TMC7: variants seen among roughly 807,000 people sequenced by gnomAD.
TMC7 encodes transmembrane channel-like protein 7.
Under a neutral mutation model 82.9 loss-of-function variants are expected in TMC7, and 54 were observed. The observed-to-expected ratio is 0.65, with a 90% CI of 0.52 to 0.82. TMC7 has a LOEUF of 0.82. Among genes scored for constraint, TMC7 ranks in the 40% least tolerant of loss-of-function variants. The pLI is 0.00. For missense variants in TMC7, 820 were observed against 901.2 expected (o/e 0.91, Z 1.15); for synonymous variants, 350 against 337.9 (o/e 1.04, Z -0.39).
intron 2 of TMC7, 141 bp downstream of exon 2, chr16:19,009,556 T>TA: frequency 9.2e-7 from 1 of 1,089,002 alleles, no homozygotes; most frequent in African/African-American, 1.6e-5. Context: ...TTGACAAACA[T>TA]ACCTGAATTT....
At position 19,004,042 on chromosome 16, in the gene TMC7, T is replaced by A. The variant is rs200336753; in HGVS notation, c.68-5130T>A. Reference sequence around the variant, plus strand: ...AGAATTATCAATAAAAAAATAAATTTAAAAAAAAAAAAAAAAATACCAGGG... The same window carrying A: ...AGAATTATCAATAAAAAAATAAATTAAAAAAAAAAAAAAAAAATACCAGGG... On this transcript the variant is annotated intron_variant, in intron 1 of 15. Coordinates refer to ENST00000304381, the MANE Select transcript of TMC7 (RefSeq NM_024847.4). Among the ~76,000 whole-genome samples the A allele has an allele frequency of 2.2e-3, 187 of 83,992 alleles. 2 individuals carry two copies. The highest frequency in any genetic ancestry group is 7.9e-3 in the African/African-American group (168 of 21,202). 55.1% of individuals were successfully genotyped at this position (83,992 alleles called of 152,430 possible).
At chr16:19,035,953 C>T (rs1960728056) in intron 7 of TMC7, 130 bp downstream of exon 7, 1 of 1,035,350 alleles carries the variant, frequency 9.7e-7, no homozygotes, top group Admixed American at 3.2e-5. Flanking sequence ...CAAGTTACCC[C>T]TCTGTAGCTT....
chr16:18,984,360 G>A, intron 1 of TMC7: 1 of 1,294,264 alleles, frequency 7.7e-7, no homozygotes, highest in Non-Finnish European at 9.8e-7. Context: ...AAAAGGACAC[G>A]AGAACTGCAG....
intron 9 of TMC7, among the ~76,000 whole-genome samples, chr16:19,041,570 C>T (rs1290457287): frequency 6.6e-6 from 1 of 151,940 alleles, no homozygotes; most frequent in East Asian, 1.9e-4. Context: ...TGGGGTTTCA[C>T]CATGTTGGCC....
chr16:19,023,224 G>C (rs1596755168), intron 5 of TMC7, 29 bp downstream of exon 5: 2 of 1,433,132 alleles, frequency 1.4e-6, no homozygotes, highest in South Asian at 1.2e-5. Flanking sequence ...CCTTTGTTTA[G>C]CTCCTCAATC....
At position 19,030,308 on chromosome 16, in the gene TMC7, C is replaced by T; in HGVS notation, c.796C>T (p.Leu266=). The change falls in exon 6 of 16, where the codon CTG becomes TTG. Residue 266 remains leucine, a synonymous_variant. Transcript: ENST00000304381. ...KFQNFTYDLP[L]AYLLSTIASL... The stretch of plus-strand genomic sequence containing the variant: ...TCAGAACTTCACCTATGATCTGCCC[C>T]TGGCGTATTTGTTAAGCACAATCGC... 6.2e-7 allele frequency: 1 copy of T among 1,613,858 alleles called. No individual in the cohort carries two copies. The highest frequency in any genetic ancestry group is 1.1e-5 in the South Asian group (1 of 91,044).
intron 2 of TMC7, among the ~76,000 whole-genome samples, chr16:19,014,326 A>G (rs772457213): frequency 6.6e-6 from 1 of 152,092 alleles, no homozygotes; most frequent in Non-Finnish European, 1.5e-5. Flanking sequence ...TCCCCAGACC[A>G]TTGCCTGATG....
intron 1 of TMC7, among the ~76,000 whole-genome samples, chr16:18,986,676 A>G (rs1023833617): frequency 1.3e-5 from 2 of 152,100 alleles, no homozygotes; most frequent in East Asian, 1.9e-4. Context: ...GGCCCTCATC[A>G]CCTTGATCCT....
intron 1 of TMC7, among the ~76,000 whole-genome samples, chr16:18,990,648 G>A (rs1243336893): frequency 4.6e-5 from 7 of 152,152 alleles, no homozygotes; most frequent in Admixed American, 2.6e-4. Context: ...TGGGATTATC[G>A]TTGGTTCTTA....
In TMC7 at chr16:19,015,480, T is replaced by TA. The variant is rs569128222; in HGVS notation, c.312-963dup. Among the ~76,000 whole-genome samples, 35 of 152,202 alleles carry TA rather than the reference T, an allele frequency of 2.3e-4. 2 individuals are homozygous for TA. The South Asian group carries it at 6.8e-3, about 30-fold the overall frequency. ...TCCTATTGTGTGGATAGACCACATT[T>TA]AAAAAAATCCACTTATCTGTCAGTG... is the stretch of plus-strand genomic sequence containing the variant. On this transcript the variant is annotated intron_variant, in intron 2 of 15. Transcript: ENST00000304381.
At chr16:19,013,062 C>T (rs1332214021) in intron 2 of TMC7, among the ~76,000 whole-genome samples, 1 of 151,546 alleles carries the variant, frequency 6.6e-6, no homozygotes, top group East Asian at 2.0e-4. Context: ...GGTGATCCGC[C>T]TGCCTTGGCC....
In TMC7 at chr16:19,017,766, G is replaced by T. The variant is rs930359800; in HGVS notation, c.460+1168G>T. Among the ~76,000 whole-genome samples, 4 of 151,780 alleles carry T rather than the reference G, an allele frequency of 2.6e-5. No homozygotes were observed. In the East Asian group the frequency reaches 7.7e-4, roughly 29 times the overall value. ...CTCACTGCAGGCTCCGCCCCCCGGG[G>T]TTCACGCCAGTCTCCTGCCTCAGCC... On this transcript the variant is annotated intron_variant, in intron 3 of 15. Coordinates refer to ENST00000304381, the MANE Select transcript of TMC7 (RefSeq NM_024847.4).
chr16:19,039,786 T>A (rs28706644), intron 8 of TMC7, among the ~76,000 whole-genome samples: 140,189 of 152,100 alleles, frequency 0.92, 65,038 homozygotes, highest in Non-Finnish European at 0.97. Context: ...GTTTTCTTCC[T>A]GCACAGTACT....
rs769666445 is a variant in TMC7 at position 18,984,099 on chromosome 16, C to T, written c.36C>T (p.Gly12=). ...CCAGCGGCAGTGCGCTCCAGCCCGG[C>T]AGGCCCAGCCGGCAGCCGGCGGTCC... ...SESSGSALQP[G]RPSRQPAVHP... is the part of the protein sequence containing the mutation. The change falls in exon 1 of 16, where the codon GGC becomes GGT. Residue 12 remains glycine, a synonymous_variant. Coordinates refer to ENST00000304381, the MANE Select transcript of TMC7 (RefSeq NM_024847.4). The T allele has an allele frequency of 2.3e-5, 35 of 1,502,726 alleles. No homozygotes were observed. The highest frequency in any genetic ancestry group is 2.5e-5 in the Non-Finnish European group (28 of 1,133,916). 93.1% of individuals were successfully genotyped at this position (1,502,726 alleles called of 1,614,324 possible).
intron 1 of TMC7, among the ~76,000 whole-genome samples, chr16:19,006,658 ATGT>A (rs976588964): frequency 1.4e-4 from 21 of 152,282 alleles, no homozygotes; most frequent in Admixed American, 3.9e-4. Context: ...GGCTTAAGCC[ATGT>A]TGTTATTTCT....
At chr16:19,016,347 C>T in intron 2 of TMC7, 103 bp from the exon 3 acceptor site, 2 of 1,458,576 alleles carry the variant, frequency 1.4e-6, no homozygotes, top group Non-Finnish European at 1.9e-6. Flanking sequence ...GCCTCGGCCT[C>T]CCAGAGTGCT....
intron 7 of TMC7, among the ~76,000 whole-genome samples, chr16:19,036,049 G>C (rs114736395): frequency 6.6e-6 from 1 of 152,114 alleles, no homozygotes; most frequent in Non-Finnish European, 1.5e-5. Flanking sequence ...ACTGGGAAGT[G>C]GGGTGGGGAT....
intron 11 of TMC7, 34 bp downstream of exon 11, chr16:19,045,472 A>C (rs202097680): frequency 2.8e-6 from 4 of 1,421,240 alleles, no homozygotes; most frequent in Non-Finnish European, 4.0e-6. Flanking sequence ...TATCCCCCCC[A>C]CCACACACAT....
chr16:19,011,546 T>TAAATAAATAAAA (rs1210345213), intron 2 of TMC7, among the ~76,000 whole-genome samples: 5 of 149,036 alleles, frequency 3.4e-5, no homozygotes, highest in South Asian at 2.1e-4. Context: ...AATAAATAAA[T>TAAATAAATAAAA]AAAATAATAA....
Sources: allele counts gnomAD v4.1 joint callset (sites outside exome capture counted in the v4.1 genomes callset), GRCh38; gene constraint gnomAD v4.1.1; transcripts MANE v1.5; gene names NCBI Gene and HGNC (gene_info 2026-07-23, HGNC 2026-07-21).